EPN1: variants seen among roughly 807,000 people sequenced by gnomAD.
The protein encoded by EPN1 is epsin-1.
Under a neutral mutation model 56.9 loss-of-function variants are expected in EPN1, and 25 were observed. The observed-to-expected ratio is 0.44, with a 90% confidence interval of 0.32 to 0.61. The LOEUF (loss-of-function observed/expected upper bound fraction) is 0.61. EPN1 is among the 20% of genes least tolerant of loss of function. The pLI is 0.05. For missense variants in EPN1, 785 were observed against 823.7 expected (o/e 0.95, Z 0.58); for synonymous variants, 411 against 361.8 (o/e 1.14, Z -1.54).
Position 55,695,776 on chromosome 19 carries a change from T to G in EPN1, c.*420T>G. On this transcript the variant is annotated 3_prime_UTR_variant, in exon 11 of 11. Coordinates refer to ENST00000270460, the MANE Select transcript of EPN1 (RefSeq NM_001130072.2). This position sits in a 1 kb window ranked among gnomAD's most constrained non-coding sequence, Gnocchi z 4.4. ...TTCCCACGGGCTTGGCACTCCCAGA[T>G]TCCCATCTGTGATTTCGTGTGTCCC... 2 of 167,916 alleles carry G rather than the reference T, an allele frequency of 1.2e-5. No homozygotes were observed. The highest frequency in any genetic ancestry group is 2.6e-5 in the Non-Finnish European group (2 of 78,266). The allele number at this position is 167,916 out of a possible 1,614,324, so 10.4% of individuals were successfully genotyped here. A position where few individuals can be genotyped will look rare whatever the true frequency, so the allele number is the denominator to read the frequency against.
rs1453822307 is a variant in EPN1 at position 55,709,019 on chromosome 19, C to A, written c.*13663C>A. 6.3e-7 allele frequency: 1 copy of A among 1,577,818 alleles called. No individual in the cohort carries two copies. Among genetic ancestry groups the A allele is most frequent in the African/African-American group, 1.4e-5 (1 of 72,546 alleles). On this transcript the variant is annotated 3_prime_UTR_variant, in exon 11 of 11. Coordinates refer to ENST00000270460, the MANE Select transcript of EPN1 (RefSeq NM_001130072.2). ...ACAGACATCAGGATCTTCTGAGTTT[C>A]TTCATCAAAGCCAGATTTGTGCAGC...
At chr19:55,684,007 G>T (rs999743231) in intron 2 of EPN1, among the ~76,000 whole-genome samples, 11 of 152,214 alleles carry the variant, frequency 7.2e-5, no homozygotes, top group African/African-American at 2.7e-4. Flanking sequence ...CCCAGGAGTT[G>T]TGGACCTGGG....
In EPN1 at chr19:55,691,123, A is replaced by G. The variant is rs1178021265; in HGVS notation, c.763-631A>G. ...CGTCGTGTGCCCACTTCCAGAACAC[A>G]GGACCATGCATGCGTGTGCGTGCGG... On this transcript the variant is annotated intron_variant, in intron 6 of 10. Coordinates refer to ENST00000270460, the MANE Select transcript of EPN1 (RefSeq NM_001130072.2). This position sits in a 1 kb window ranked among gnomAD's most constrained non-coding sequence, Gnocchi z 5.6. 8.5e-5 allele frequency among the ~76,000 whole-genome samples: 13 copies of G among 152,214 alleles called. No homozygotes were observed. Among genetic ancestry groups the G allele is most frequent in the East Asian group, 5.8e-4 (3 of 5,194 alleles).
At position 55,707,999 on chromosome 19, in the gene EPN1, C is replaced by T. The variant is rs1394228236; in HGVS notation, c.*12643C>T. The T allele has an allele frequency of 6.6e-6, 1 of 152,352 alleles. No homozygotes were observed. Among genetic ancestry groups the T allele is most frequent in the Admixed American group, 6.5e-5 (1 of 15,272 alleles). The allele number at this position is 152,352 out of a possible 1,614,324, so 9.4% of individuals were successfully genotyped here. A position where few individuals can be genotyped will look rare whatever the true frequency, so the allele number is the denominator to read the frequency against. On this transcript the variant is annotated 3_prime_UTR_variant, in exon 11 of 11. Transcript: ENST00000270460. ...GGCCAAAAGCAAATAGAAAATTGGG[C>T]AAAAAAGTTCATAATTGCTTAAACA...
chr19:55,683,741 C>T (rs745332994), intron 2 of EPN1, among the ~76,000 whole-genome samples: 2 of 152,228 alleles, frequency 1.3e-5, no homozygotes, highest in South Asian at 2.1e-4. Context: ...CGTGGGTATT[C>T]GCACTATTTC....
Position 55,679,001 on chromosome 19 carries a change from G to A in EPN1, c.228+146G>A. 3 of 634,000 alleles carry A rather than the reference G, an allele frequency of 4.7e-6. No individual in the cohort carries two copies. In the South Asian group the frequency reaches 6.0e-5, roughly 13 times the overall value. 39.3% of individuals were successfully genotyped at this position (634,000 alleles called of 1,614,324 possible). On this transcript the variant is annotated intron_variant, in intron 2 of 10. Transcript: ENST00000270460. ...AAATCTCTCTTTTTGTTTAATGAAG[G>A]CAACGAATATAAGGCTAAGAAGTTT...
intron 2 of EPN1, among the ~76,000 whole-genome samples, chr19:55,684,792 C>T (rs565692860): frequency 6.6e-6 from 1 of 152,192 alleles, no homozygotes; most frequent in Non-Finnish European, 1.5e-5. Flanking sequence ...GGCCATGTTA[C>T]TTTAGATTTT....
intron 9 of EPN1, chr19:55,693,265 C>T (rs114027779): frequency 2.2e-4 from 117 of 533,580 alleles, no homozygotes; most frequent in African/African-American, 2.1e-3. Context: ...GAATTGTTCT[C>T]AAGGTTTCCC....
rs1295496750 is a variant in EPN1 at position 55,704,668 on chromosome 19, C to T, written c.*9312C>T. 6.6e-6 allele frequency: 1 copy of T among 152,406 alleles called. No homozygotes were observed. Among genetic ancestry groups the T allele is most frequent in the Non-Finnish European group, 1.5e-5 (1 of 68,170 alleles). 9.4% of individuals were successfully genotyped at this position (152,406 alleles called of 1,614,324 possible). ...GGAAGGCACACACACCCCACAGCACCCTTGCTGTCTCACCCCGTATCGCAA... is the reference window on the plus strand; with the variant it reads ...GGAAGGCACACACACCCCACAGCACTCTTGCTGTCTCACCCCGTATCGCAA... On this transcript the variant is annotated 3_prime_UTR_variant, in exon 11 of 11. Transcript: ENST00000270460.
In EPN1 at chr19:55,694,036, C is replaced by T. The variant is rs1182775598; in HGVS notation, c.1265-690C>T. 1 of 151,886 alleles carries T rather than the reference C, an allele frequency of 6.6e-6. No individual in the cohort carries two copies. The highest frequency in any genetic ancestry group is 2.4e-5 in the African/African-American group (1 of 41,332). The allele number at this position is 151,886 out of a possible 1,614,324, so 9.4% of individuals were successfully genotyped here. On this transcript the variant is annotated intron_variant, in intron 9 of 10. Transcript: ENST00000270460. The surrounding 1 kb of genome is among the most constrained non-coding windows in gnomAD (Gnocchi z 4.2). The stretch of plus-strand genomic sequence containing the variant: ...TTCAAGACCAGCCTGACCACCATGG[C>T]CAAAACTCCGTCTCTACTAAAAACA...
rs112611652 is a variant in EPN1 at position 55,693,071 on chromosome 19, A to T, written c.1264+34A>T. On this transcript the variant is annotated intron_variant, in intron 9 of 10. Transcript: ENST00000270460. Reference sequence around the variant, plus strand: ...CTGCCCTCCCCTGCCCAGTGGCGAGAGGGAGCCTCCCCTAGCTCTTCGGGA... The same window carrying T: ...CTGCCCTCCCCTGCCCAGTGGCGAGTGGGAGCCTCCCCTAGCTCTTCGGGA... 9 of 1,594,054 alleles carry T rather than the reference A, an allele frequency of 5.6e-6. No individual in the cohort carries two copies. The African/African-American group carries it at 6.7e-5, about 12-fold the overall frequency.
In EPN1 at chr19:55,705,336, A is replaced by G. The variant is rs1451443793; in HGVS notation, c.*9980A>G. ...CAAACCAATGAAAAAAACCTCTCAG[A>G]ACGATACAGAATCCAGAGCCACTAC... On this transcript the variant is annotated 3_prime_UTR_variant, in exon 11 of 11. Transcript: ENST00000270460. The G allele has an allele frequency of 6.6e-6, 1 of 152,198 alleles. No homozygotes were observed. Among genetic ancestry groups the G allele is most frequent in the Admixed American group, 6.5e-5 (1 of 15,268 alleles). 9.4% of individuals were successfully genotyped at this position (152,198 alleles called of 1,614,324 possible).
chr19:55,685,778 C>T, intron 3 of EPN1, 133 bp downstream of exon 3: 1 of 1,195,158 alleles, frequency 8.4e-7, no homozygotes, highest in Non-Finnish European at 1.2e-6. Flanking sequence ...TTCTCCTCAC[C>T]TGGGCCCCTT....
At chr19:55,687,157 G>T (rs1466171363) in intron 3 of EPN1, among the ~76,000 whole-genome samples, 2 of 152,142 alleles carry the variant, frequency 1.3e-5, no homozygotes, top group Non-Finnish European at 2.9e-5. Flanking sequence ...CGCCCATCTT[G>T]GTGCATTCTT....
At position 55,707,180 on chromosome 19, in the gene EPN1, C is replaced by T. The variant is rs904639011; in HGVS notation, c.*11824C>T. 6.8e-6 allele frequency: 1 copy of T among 146,134 alleles called. No individual in the cohort carries two copies. Among genetic ancestry groups the T allele is most frequent in the African/African-American group, 2.6e-5 (1 of 38,766 alleles). The allele number at this position is 146,134 out of a possible 1,614,324, so 9.1% of individuals were successfully genotyped here. A position where few individuals can be genotyped will look rare whatever the true frequency, so the allele number is the denominator to read the frequency against. ...TGGGCGAGCAACAGAGTGAGGCTGTCTCTCAAAAAAAAAAAAAAAGGAACG... is the reference window on the plus strand; with the variant it reads ...TGGGCGAGCAACAGAGTGAGGCTGTTTCTCAAAAAAAAAAAAAAAGGAACG... On this transcript the variant is annotated 3_prime_UTR_variant, in exon 11 of 11. Coordinates refer to ENST00000270460, the MANE Select transcript of EPN1 (RefSeq NM_001130072.2).
intron 2 of EPN1, among the ~76,000 whole-genome samples, chr19:55,682,643 C>T (rs554963775): frequency 1.4e-4 from 21 of 152,072 alleles, no homozygotes; most frequent in African/African-American, 1.4e-4. Flanking sequence ...ATGTCACCCA[C>T]GATGGTCTTG....
intron 2 of EPN1, 134 bp from the exon 3 acceptor site, chr19:55,685,262 T>G: frequency 1.8e-6 from 2 of 1,090,642 alleles, no homozygotes; most frequent in Admixed American, 2.2e-5. Context: ...GGGACAGATG[T>G]GTGTCCACCC....
intron 1 of EPN1, among the ~76,000 whole-genome samples, chr19:55,678,249 G>A (rs2122159343): frequency 6.6e-6 from 1 of 152,344 alleles, no homozygotes; most frequent in South Asian, 2.1e-4. Flanking sequence ...AGGTGCAAAA[G>A]ATCCAGCCCG....
chr19:55,692,635 A>G (rs1485476107), intron 7 of EPN1, 51 bp from the exon 8 acceptor site: 6 of 1,270,180 alleles, frequency 4.7e-6, no homozygotes, highest in African/African-American at 3.0e-5. Flanking sequence ...CTCCCTAGCC[A>G]TCTGGGCAGT....
Sources: gnomAD v4.1 joint callset for allele counts (sites outside exome capture counted in the v4.1 genomes callset) on GRCh38, gnomAD v4.1.1 for gene constraint, Gnocchi (gnomAD v3.1) non-coding constraint, MANE v1.5 for transcripts, NCBI Gene and HGNC (gene_info 2026-07-23, HGNC 2026-07-21) for gene names.